The following SERPINB10 variants were observed in gnomAD, a reference collection of about 807,000 sequenced individuals.
SERPINB10 encodes serpin B10.
A neutral mutation model predicts 39.1 loss-of-function variants in SERPINB10; 35 were observed. That is an observed-to-expected ratio of 0.90 (90% CI 0.68 to 1.19). SERPINB10 has a LOEUF of 1.19. SERPINB10 is among the 50% of genes most tolerant of loss of function. The pLI, the probability that SERPINB10 is intolerant of heterozygous loss-of-function variation, is 0.00. For synonymous variants in SERPINB10, 190 were observed against 158.1 expected (o/e 1.20, Z -1.52); for missense variants, 546 against 460.5 (o/e 1.19, Z -1.70).
chr18:63,923,286 T>C (rs1391314451), intron 5 of SERPINB10, among the ~76,000 whole-genome samples: 1 of 152,004 alleles, frequency 6.6e-6, no homozygotes, highest in Non-Finnish European at 1.5e-5. Flanking sequence ...TTTGGAAGCA[T>C]TCAACATGAA....
chr18:63,921,631 A>G (rs915968534), intron 5 of SERPINB10, among the ~76,000 whole-genome samples: 1 of 151,852 alleles, frequency 6.6e-6, no homozygotes, highest in African/African-American at 2.4e-5. Context: ...CACCCAAATT[A>G]CCTGCCTAGA....
Position 63,919,772 on chromosome 18 carries a change from T to TA in SERPINB10, c.373-15dup. ...AACAAACTCTACAAAAGGGGATTTT[T>TA]ATCTATGTCTTTCAGAAATATTTAG... On this transcript the variant is annotated splice_polypyrimidine_tract_variant and intron_variant, in intron 4 of 7. Transcript: ENST00000238508. 6.6e-7 allele frequency: 1 copy of TA among 1,514,852 alleles called. No homozygotes were observed. The highest frequency in any genetic ancestry group is 9.0e-7 in the Non-Finnish European group (1 of 1,107,348). The allele number at this position is 1,514,852 out of a possible 1,614,324, so 93.8% of individuals were successfully genotyped here.
At chr18:63,922,774 A>T (rs1451516365) in intron 5 of SERPINB10, among the ~76,000 whole-genome samples, 2 of 151,984 alleles carry the variant, frequency 1.3e-5, no homozygotes, top group African/African-American at 4.8e-5. Flanking sequence ...CGTGCCATAA[A>T]TCTGCACTGT....
intron 5 of SERPINB10, among the ~76,000 whole-genome samples, chr18:63,923,317 G>A (rs185286115): frequency 3.9e-5 from 6 of 152,048 alleles, no homozygotes; most frequent in East Asian, 1.9e-4. Flanking sequence ...GAATTAATTA[G>A]TTCTTTAGGA....
chr18:63,908,012 C>G lies in SERPINB10; in HGVS notation c.-38C>G. On this transcript the variant is annotated 5_prime_UTR_variant, in exon 1 of 8. Coordinates refer to ENST00000238508, the MANE Select transcript of SERPINB10 (RefSeq NM_005024.3). ...AATCTCTTACTACAGGAGCAAATTG[C>G]CAATTCTGCTCCAGTGGGAGAAAAC... 2.9e-6 allele frequency: 1 copy of G among 345,588 alleles called. No homozygotes were observed. 21.4% of individuals were successfully genotyped at this position (345,588 alleles called of 1,614,324 possible).
chr18:63,919,322 C>T (rs1265229961), intron 4 of SERPINB10, among the ~76,000 whole-genome samples: 1 of 149,190 alleles, frequency 6.7e-6, no homozygotes, highest in East Asian at 2.0e-4. Flanking sequence ...TCATTTTCTT[C>T]AAGGGTCCTC....
intron 5 of SERPINB10, among the ~76,000 whole-genome samples, chr18:63,923,292 A>C (rs1160126544): frequency 6.6e-6 from 1 of 152,020 alleles, no homozygotes; most frequent in Non-Finnish European, 1.5e-5. Flanking sequence ...AGCATTCAAC[A>C]TGAAATAAAA....
At chr18:63,932,902 A>G (rs1301071926) in intron 6 of SERPINB10, 146 bp from the exon 7 acceptor site, 1 of 686,066 alleles carries the variant, frequency 1.5e-6, no homozygotes, top group Non-Finnish European at 2.4e-6. Flanking sequence ...TCCATAAAGG[A>G]AGGTCTGGAT....
chr18:63,916,976 G>A (rs1475131039), intron 2 of SERPINB10, among the ~76,000 whole-genome samples: 3 of 151,870 alleles, frequency 2.0e-5, no homozygotes, highest in Admixed American at 2.0e-4. Flanking sequence ...TGAAATGCTG[G>A]GGTAAACACA....
intron 1 of SERPINB10, among the ~76,000 whole-genome samples, chr18:63,911,958 T>C (rs1744789259): frequency 1.6e-5 from 2 of 121,582 alleles, no homozygotes; most frequent in Non-Finnish European, 3.1e-5. Context: ...TTTAGCAGTG[T>C]TTTTTTTTAC....
chr18:63,916,665 A>C (rs374172638), intron 2 of SERPINB10, among the ~76,000 whole-genome samples: 2 of 152,104 alleles, frequency 1.3e-5, no homozygotes, highest in East Asian at 1.9e-4. Flanking sequence ...GACAATCTTA[A>C]GTGGATTCCA....
chr18:63,933,029 G>GT lies in SERPINB10; in HGVS notation c.634-12dup, dbSNP rs751956472. ...CAATGACCTTGTTACCTGTTTTTTT[G>GT]TTTTTTTGTTTTTTTTAGACTACAA... On this transcript the variant is annotated intron_variant, in intron 6 of 7. Transcript: ENST00000238508. 74 of 1,599,550 alleles carry GT rather than the reference G, an allele frequency of 4.6e-5. No individual in the cohort carries two copies. Among genetic ancestry groups the GT allele is most frequent in the South Asian group, 6.7e-5 (6 of 89,380 alleles).
At chr18:63,920,787 C>A (rs2050141114) in intron 5 of SERPINB10, among the ~76,000 whole-genome samples, 1 of 151,928 alleles carries the variant, frequency 6.6e-6, no homozygotes, top group South Asian at 2.1e-4. Context: ...ACATTCCAGT[C>A]AATTCCAGTC....
Position 63,935,198 on chromosome 18 carries a change from A to G in SERPINB10, c.1150A>G (p.Lys384Glu), listed in dbSNP as rs755047020. The G allele has an allele frequency of 1.2e-6, 2 of 1,609,076 alleles. No individual in the cohort carries two copies. Among genetic ancestry groups the G allele is most frequent in the South Asian group, 1.1e-5 (1 of 90,564 alleles). Residue 384 changes from lysine (K) to glutamate (E), a missense_variant, in exon 8 of 8, where the codon AAA (lysine) becomes GAA (glutamate). Transcript: ENST00000238508. ...ATTCCTCTTCTTCATCAGGCACAAT[A>G]AAACCAACACCATTCTTTTTTATGG... The part of the protein sequence containing the change: ...HPFLFFIRHN[K>E]TNTILFYGRL...
intron 6 of SERPINB10, among the ~76,000 whole-genome samples, chr18:63,931,673 C>T (rs1479331297): frequency 6.6e-6 from 1 of 152,146 alleles, no homozygotes; most frequent in East Asian, 1.9e-4. Context: ...TATGTCCCCC[C>T]TTCAACACAC....
In SERPINB10 at chr18:63,914,146, C is replaced by A. The variant is rs554812832; in HGVS notation, c.-9-1356C>A. Among the ~76,000 whole-genome samples, 2 of 152,158 alleles carry A rather than the reference C, an allele frequency of 1.3e-5. 1 individual carries two copies. The highest frequency in any genetic ancestry group is 4.1e-4 in the South Asian group (2 of 4,826). ...CCTTCCTCCAACCACTTAGTTTAAG[C>A]CTATGGGTGTTATTACATGTGAAAT... On this transcript the variant is annotated intron_variant, in intron 1 of 7. Transcript: ENST00000238508.
At chr18:63,920,521 C>T (rs992537246) in intron 5 of SERPINB10, among the ~76,000 whole-genome samples, 2 of 151,974 alleles carry the variant, frequency 1.3e-5, no homozygotes, top group African/African-American at 4.8e-5. Flanking sequence ...GCTTCCATCT[C>T]TAGGTGCAAG....
At chr18:63,930,828 G>A (rs534228391) in intron 6 of SERPINB10, among the ~76,000 whole-genome samples, 3 of 152,204 alleles carry the variant, frequency 2.0e-5, no homozygotes, top group South Asian at 2.1e-4. Flanking sequence ...CAGGACCTTC[G>A]CCATTCTAGA....
At chr18:63,923,668 A>G (rs1384101675) in intron 5 of SERPINB10, among the ~76,000 whole-genome samples, 2 of 151,918 alleles carry the variant, frequency 1.3e-5, no homozygotes, top group African/African-American at 4.8e-5. Flanking sequence ...ATCTAAATAT[A>G]AAGGCCTTTA....
Sources: allele counts gnomAD v4.1 joint callset (sites outside exome capture counted in the v4.1 genomes callset), GRCh38; gene constraint gnomAD v4.1.1; transcripts MANE v1.5; gene names NCBI Gene and HGNC (gene_info 2026-07-23, HGNC 2026-07-21).